Variants in DCDC1 observed in about 807,000 individuals in gnomAD.
DCDC1 encodes the protein doublecortin domain-containing protein 1.
DCDC1 carries 200 observed loss-of-function variants against 178.3 expected under a neutral mutation model. That is an observed-to-expected ratio of 1.12 (90% CI 1.00 to 1.26). The LOEUF is 1.26. Ranked by LOEUF, DCDC1 falls within the 50% of genes most tolerant of loss-of-function variation. The pLI, the probability that DCDC1 is intolerant of heterozygous loss-of-function variation, is 0.00. For missense variants in DCDC1, 1,983 were observed against 1,749.2 expected (o/e 1.13, Z -2.38); for synonymous variants, 690 against 604.8 (o/e 1.14, Z -2.07).
intron 15 of DCDC1, among the ~76,000 whole-genome samples, chr11:31,099,297 A>C (rs571665175): frequency 6.6e-6 from 1 of 152,200 alleles, no homozygotes; most frequent in African/African-American, 2.4e-5. Flanking sequence ...TTTCCAATCT[A>C]GCAGGGAGGA....
intron 9 of DCDC1, among the ~76,000 whole-genome samples, chr11:31,145,417 C>T (rs780319185): frequency 2.0e-5 from 3 of 152,098 alleles, no homozygotes; most frequent in Non-Finnish European, 4.4e-5. Context: ...TAGGTAATGA[C>T]CGGAAGTAGC....
chr11:31,306,537 A>G, intron 4 of DCDC1, 149 bp from the exon 5 acceptor site: 1 of 799,982 alleles, frequency 1.3e-6, no homozygotes, highest in Non-Finnish European at 1.7e-6. Flanking sequence ...TTTATAGGAT[A>G]AGATTGTTGT....
intron 21 of DCDC1, among the ~76,000 whole-genome samples, chr11:30,945,697 A>AATCTATCTATCTATCTATCT (rs57930562): frequency 6.8e-6 from 1 of 146,630 alleles, no homozygotes; most frequent in Non-Finnish European, 1.5e-5. Context: ...CCATCTCAAA[A>AATCTATCTATCTATCTATCT]ATCTATCTAT....
At chr11:31,148,129 G>C (rs182080621) in intron 9 of DCDC1, among the ~76,000 whole-genome samples, 197 of 137,950 alleles carry the variant, frequency 1.4e-3, no homozygotes, top group South Asian at 9.2e-3. Context: ...TAAGCAAAAA[G>C]TTTATAATCT....
chr11:31,154,753 C>A (rs769668182), intron 9 of DCDC1, among the ~76,000 whole-genome samples: 11 of 152,128 alleles, frequency 7.2e-5, no homozygotes, highest in Non-Finnish European at 1.2e-4. Flanking sequence ...CTTCATCATG[C>A]AAAGCTAGCC....
intron 7 of DCDC1, among the ~76,000 whole-genome samples, chr11:31,279,040 A>C (rs1054646943): frequency 7.2e-5 from 11 of 152,136 alleles, no homozygotes; most frequent in African/African-American, 2.7e-4. Flanking sequence ...TATATAGATC[A>C]ATTTGCAGGA....
chr11:31,264,621 T>C (rs1440761751), intron 8 of DCDC1, among the ~76,000 whole-genome samples: 1 of 152,196 alleles, frequency 6.6e-6, no homozygotes, highest in Non-Finnish European at 1.5e-5. Flanking sequence ...CTCTGAGAAC[T>C]AAATAAGTTA....
chr11:31,142,565 G>C (rs1306045542), intron 9 of DCDC1, among the ~76,000 whole-genome samples: 2 of 152,092 alleles, frequency 1.3e-5, no homozygotes, highest in African/African-American at 4.8e-5. Flanking sequence ...CATAGAGAAG[G>C]TGTATTTTAG....
chr11:31,233,069 T>C (rs1976001364), intron 9 of DCDC1, among the ~76,000 whole-genome samples: 3 of 149,168 alleles, frequency 2.0e-5, no homozygotes, highest in Non-Finnish European at 4.4e-5. Flanking sequence ...GCCTGGGTGA[T>C]ACAGTGAGAC....
chr11:31,180,727 G>A (rs1382002965), intron 9 of DCDC1, among the ~76,000 whole-genome samples: 1 of 152,096 alleles, frequency 6.6e-6, no homozygotes, highest in Admixed American at 6.5e-5. Context: ...ATTCCCTCAG[G>A]TGCCTACGCC....
At chr11:30,906,323 A>G in intron 30 of DCDC1, 2 of 466,974 alleles carry the variant, frequency 4.3e-6, no homozygotes. Context: ...AGAAGTGCCC[A>G]ATTAACTTCA....
At chr11:31,027,093 T>C (rs1263797862) in intron 20 of DCDC1, among the ~76,000 whole-genome samples, 1 of 151,792 alleles carries the variant, frequency 6.6e-6, no homozygotes, top group Non-Finnish European at 1.5e-5. Flanking sequence ...ATTTGCATCA[T>C]TTATGAAATA....
intron 21 of DCDC1, among the ~76,000 whole-genome samples, chr11:30,937,654 T>C (rs1464327810): frequency 6.6e-6 from 1 of 152,146 alleles, no homozygotes; most frequent in African/African-American, 2.4e-5. Context: ...CTGCTTATCT[T>C]CCTCTCTCCT....
chr11:31,106,500 C>T (rs1205330631), intron 13 of DCDC1, among the ~76,000 whole-genome samples: 1 of 152,200 alleles, frequency 6.6e-6, no homozygotes, highest in Non-Finnish European at 1.5e-5. Context: ...GCGTTTCCAT[C>T]TGCTATCATT....
At chr11:31,215,532 T>C (rs1221051102) in intron 9 of DCDC1, among the ~76,000 whole-genome samples, 1 of 150,918 alleles carries the variant, frequency 6.6e-6, no homozygotes, top group Non-Finnish European at 1.5e-5. Flanking sequence ...CGGTAGCTCA[T>C]GCCTGTAATC....
Position 31,265,554 on chromosome 11 carries a change from C to A in DCDC1, c.1007G>T (p.Arg336Ile). 6.9e-7 allele frequency: 1 copy of A among 1,444,162 alleles called. No individual in the cohort carries two copies. Among genetic ancestry groups the A allele is most frequent in the South Asian group, 1.6e-5 (1 of 61,816 alleles). The allele number at this position is 1,444,162 out of a possible 1,614,324, so 89.5% of individuals were successfully genotyped here. A position where few individuals can be genotyped will look rare whatever the true frequency, so the allele number is the denominator to read the frequency against. Residue 336 changes from arginine (R) to isoleucine (I), a missense_variant, in exon 8 of 39, where the codon AGA (arginine) becomes ATA (isoleucine). By Grantham distance (97) the Arg-to-Ile change is moderately conservative (BLOSUM62 -3). Coordinates refer to ENST00000684477, the MANE Select transcript of DCDC1 (RefSeq NM_001387274.1). ...TIRMNLNLPA[R>I]YFYDLYGRKI... ...TCTGCCATACAAATCATAAAAATATCTGGCTGGTAAATTTAGATTCATTCT... is the reference window on the plus strand; with the variant it reads ...TCTGCCATACAAATCATAAAAATATATGGCTGGTAAATTTAGATTCATTCT...
intron 9 of DCDC1, among the ~76,000 whole-genome samples, chr11:31,157,366 A>ATAT (rs530324583): frequency 1.7e-4 from 16 of 96,786 alleles, no homozygotes; most frequent in African/African-American, 2.0e-4. Context: ...AAAAAAAAAA[A>ATAT]AAAAAAATAT....
At chr11:31,139,349 A>T (rs1360176929) in intron 9 of DCDC1, among the ~76,000 whole-genome samples, 2 of 152,136 alleles carry the variant, frequency 1.3e-5, no homozygotes, top group Admixed American at 6.5e-5. Flanking sequence ...TTTTCAAGGG[A>T]TATATAAAAA....
At chr11:31,178,091 T>C (rs1968307133) in intron 9 of DCDC1, among the ~76,000 whole-genome samples, 1 of 152,212 alleles carries the variant, frequency 6.6e-6, no homozygotes, top group African/African-American at 2.4e-5. Flanking sequence ...TTTGTCTCAA[T>C]GGCACATGAA....
Sources: gnomAD v4.1 joint callset for allele counts (sites outside exome capture counted in the v4.1 genomes callset) on GRCh38, gnomAD v4.1.1 for gene constraint, MANE v1.5 for transcripts, NCBI Gene and HGNC (gene_info 2026-07-23, HGNC 2026-07-21) for gene names.